YARS1: variants seen among roughly 807,000 people sequenced by gnomAD.
YARS1 encodes the protein tyrosine--tRNA ligase, cytoplasmic.
Under a neutral mutation model 62.2 loss-of-function variants are expected in YARS1, and 36 were observed. The observed-to-expected ratio is 0.58, with a 90% CI of 0.44 to 0.76. The LOEUF (loss-of-function observed/expected upper bound fraction) is 0.76, where lower values mean the gene tolerates loss of function less well. Ranked by LOEUF, YARS1 falls within the 30% of genes least tolerant of loss-of-function variation. YARS1 has a pLI of 0.00. For synonymous variants in YARS1, 234 were observed against 244.9 expected, an observed-to-expected ratio of 0.96 and a Z score of 0.42; for missense variants, 524 against 639.8, an observed-to-expected ratio of 0.82 and a Z score of 1.95.
In YARS1 at chr1:32,780,095, A is replaced by C. The variant is rs1653002426; in HGVS notation, c.1324T>G (p.Cys442Gly). Reference protein sequence around the residue: ...RGVESQGMLLCASIEGINRQV... With the variant: ...RGVESQGMLLGASIEGINRQV... ...CAAGTCCTCACTCACATAGAAGCAC[A>C]CAGAAGCATGCCTTGGGACTCGACT... The change falls in exon 11 of 13, where the codon TGT (cysteine) becomes GGT (glycine). Residue 442 changes from cysteine (C) to glycine (G), a missense_variant. By Grantham distance (159) the Cys-to-Gly change is radical. Coordinates refer to ENST00000373477, the MANE Select transcript of YARS1 (RefSeq NM_003680.4). 6.2e-7 allele frequency: 1 copy of C among 1,614,088 alleles called. No individual in the cohort carries two copies. The highest frequency in any genetic ancestry group is 8.5e-7 in the Non-Finnish European group (1 of 1,180,024).
At chr1:32,812,529 TGTG>T (rs1638608930) in intron 1 of YARS1, among the ~76,000 whole-genome samples, 1 of 152,262 alleles carries the variant, frequency 6.6e-6, no homozygotes, top group Non-Finnish European at 1.5e-5. Flanking sequence ...AAAACTCTCT[TGTG>T]GGGGGAAATT....
At chr1:32,815,544 G>A (rs1406664904) in intron 1 of YARS1, among the ~76,000 whole-genome samples, 2 of 152,098 alleles carry the variant, frequency 1.3e-5, no homozygotes, top group South Asian at 2.1e-4. Context: ...ACTGATGAAC[G>A]GATAAACAAA....
intron 1 of YARS1, among the ~76,000 whole-genome samples, chr1:32,815,891 C>T (rs1638707584): frequency 6.6e-6 from 1 of 152,016 alleles, no homozygotes; most frequent in East Asian, 1.9e-4. Context: ...GGGTGGATCA[C>T]GAGGTCAGGA....
chr1:32,782,401 T>G lies in YARS1; in HGVS notation c.1042+3A>C, dbSNP rs772446297. On this transcript the variant is annotated splice_donor_region_variant and intron_variant, in intron 9 of 12. Transcript: ENST00000373477. The stretch of plus-strand genomic sequence containing the variant: ...ATGTCGGCCCCTCTCCAGCTGGCCT[T>G]ACTCTGCTTTGAGGGATCTGGGTAG... The G allele has an allele frequency of 2.9e-5, 46 of 1,613,888 alleles. No homozygotes were observed. The highest frequency in any genetic ancestry group is 3.6e-5 in the Non-Finnish European group (43 of 1,179,894).
At chr1:32,781,334 G>A (rs1653050222) in intron 9 of YARS1, 189 bp from the exon 10 acceptor site, 7 of 632,912 alleles carry the variant, frequency 1.1e-5, no homozygotes, top group Non-Finnish European at 2.0e-5. Context: ...ATTTTCATCT[G>A]TTCTCTCCCT....
chr1:32,791,397 G>T (rs1014364955), intron 5 of YARS1, 143 bp from the exon 6 acceptor site: 3 of 735,962 alleles, frequency 4.1e-6, no homozygotes, highest in Non-Finnish European at 4.8e-6. Flanking sequence ...CTTTGACAGT[G>T]ACTGTAATTC....
chr1:32,802,194 G>A (rs61798852), intron 4 of YARS1, among the ~76,000 whole-genome samples: 19 of 151,902 alleles, frequency 1.3e-4, no homozygotes, highest in Non-Finnish European at 2.6e-4. Flanking sequence ...TGATCCGTCC[G>A]CCTCGGCCTC....
chr1:32,786,499 CA>C, intron 7 of YARS1, 52 bp from the exon 8 acceptor site: 13 of 1,053,162 alleles, frequency 1.2e-5, no homozygotes, highest in Non-Finnish European at 1.6e-5. Flanking sequence ...ATTCCTAGCT[CA>C]CATGCATGAC....
At chr1:32,780,462 T>C in intron 10 of YARS1, 184 bp from the exon 11 acceptor site, 1 of 661,038 alleles carries the variant, frequency 1.5e-6, no homozygotes, top group Non-Finnish European at 2.6e-6. Context: ...TGGTATACTC[T>C]GCTCTCAACT....
intron 4 of YARS1, among the ~76,000 whole-genome samples, chr1:32,799,870 C>T (rs1329799602): frequency 6.6e-6 from 1 of 152,034 alleles, no homozygotes; most frequent in Non-Finnish European, 1.5e-5. Flanking sequence ...AGTCTTGCTA[C>T]GTTGCCTAGG....
At chr1:32,796,545 T>A (rs1653589804) in intron 5 of YARS1, among the ~76,000 whole-genome samples, 1 of 151,790 alleles carries the variant, frequency 6.6e-6, no homozygotes, top group East Asian at 2.0e-4. Flanking sequence ...TATTTTATTG[T>A]GGAGACAGAG....
intron 4 of YARS1, 49 bp from the exon 5 acceptor site, chr1:32,797,892 A>G: frequency 6.4e-7 from 1 of 1,551,068 alleles, no homozygotes; most frequent in Non-Finnish European, 8.9e-7. Flanking sequence ...TTTTTTTGAG[A>G]CAGAGTCTCG....
At chr1:32,780,620 G>GA (rs1209140217) in intron 10 of YARS1, 4 of 423,178 alleles carry the variant, frequency 9.5e-6, no homozygotes, top group Non-Finnish European at 1.8e-5. Flanking sequence ...ATGTCGAAGG[G>GA]AAAAAAAGCC....
chr1:32,775,855 C>T lies in YARS1; in HGVS notation c.*126G>A, dbSNP rs1351104166. The T allele has an allele frequency of 1.9e-5, 17 of 896,876 alleles. No homozygotes were observed. The Middle Eastern group carries it at 9.8e-4, about 52-fold the overall frequency. The allele number at this position is 896,876 out of a possible 1,614,324, so 55.6% of individuals were successfully genotyped here. ...AGCTGCCCCTTGCCGAGTTCTGCAC[C>T]GAATAAAGAGTCCAAACCCGCTGCT... On this transcript the variant is annotated 3_prime_UTR_variant, in exon 13 of 13. Coordinates refer to ENST00000373477, the MANE Select transcript of YARS1 (RefSeq NM_003680.4).
intron 12 of YARS1, among the ~76,000 whole-genome samples, chr1:32,778,826 C>T (rs1652961966): frequency 6.6e-6 from 1 of 150,512 alleles, no homozygotes; most frequent in Admixed American, 6.6e-5. Context: ...GCAACCTCTG[C>T]CTCCCGGGTT....
chr1:32,790,476 T>G (rs1653379665), intron 6 of YARS1, among the ~76,000 whole-genome samples: 2 of 120,088 alleles, frequency 1.7e-5, no homozygotes, highest in East Asian at 5.4e-4. Context: ...ATCGCACCAC[T>G]GCACTGCAGC....
chr1:32,785,271 CCA>C (rs917778902), intron 8 of YARS1, among the ~76,000 whole-genome samples: 1 of 152,052 alleles, frequency 6.6e-6, no homozygotes. Flanking sequence ...ACCAGCCTGG[CCA>C]ACATGGTGAA....
intron 8 of YARS1, among the ~76,000 whole-genome samples, chr1:32,784,242 T>C (rs1191716468): frequency 2.6e-5 from 4 of 151,326 alleles, no homozygotes; most frequent in Non-Finnish European, 4.4e-5. Context: ...CTTCAACTCC[T>C]GAGCTCAAGC....
intron 1 of YARS1, 142 bp downstream of exon 1, chr1:32,817,046 A>G: frequency 9.5e-7 from 1 of 1,047,432 alleles, no homozygotes; most frequent in Non-Finnish European, 1.5e-6. Context: ...ACCGACCAGC[A>G]GTGAGATCTA....
Sources: gnomAD v4.1 joint callset for allele counts (sites outside exome capture counted in the v4.1 genomes callset) on GRCh38, gnomAD v4.1.1 for gene constraint, MANE v1.5 for transcripts, NCBI Gene and HGNC (gene_info 2026-07-23, HGNC 2026-07-21) for gene names.